Variants in MACROD2 observed in about 807,000 individuals in gnomAD.
MACROD2 encodes the protein mono-ADP ribosylhydrolase 2.
In MACROD2, 36 loss-of-function variants were observed where a neutral mutation model predicts 70.4. That is an observed-to-expected ratio of 0.51 (90% CI 0.39 to 0.68). The LOEUF (loss-of-function observed/expected upper bound fraction) is 0.68. Ranked by LOEUF, MACROD2 falls within the 30% of genes least tolerant of loss-of-function variation. The pLI, the probability that MACROD2 is intolerant of heterozygous loss-of-function variation, is 0.00. For missense variants in MACROD2, 496 were observed against 538.4 expected (o/e 0.92, Z 0.78); for synonymous variants, 172 against 178.8 (o/e 0.96, Z 0.30).
rs761254010 is a variant in MACROD2, at chr20:16,044,564, G to A, written c.1232-7G>A. ...ATATTTAACTTTTTTTTTTTTTCTG[G>A]TGACAGTTGAAATGAATAGTCAGGT... On this transcript the variant is annotated splice_polypyrimidine_tract_variant and splice_region_variant and intron_variant, in intron 16 of 17. Transcript: ENST00000684519. The A allele has an allele frequency of 9.4e-6, 15 of 1,591,150 alleles. No individual in the cohort carries two copies. In the South Asian group the frequency reaches 1.4e-4, roughly 15 times the overall value.
chr20:14,217,990 C>T (rs756763119), intron 3 of MACROD2, among the ~76,000 whole-genome samples: 11 of 152,126 alleles, frequency 7.2e-5, no homozygotes, highest in Non-Finnish European at 1.2e-4. Flanking sequence ...GTGTATTCTG[C>T]GGTTGTTGGA....
chr20:14,993,746 T>G (rs899669219), intron 5 of MACROD2, among the ~76,000 whole-genome samples: 9 of 152,206 alleles, frequency 5.9e-5, no homozygotes, highest in Non-Finnish European at 1.2e-4. Flanking sequence ...ACAGCTGAAG[T>G]GAAGGCTTAG....
In MACROD2 at chr20:15,072,589, G is replaced by A. The variant is rs949439931; in HGVS notation, c.419-157351G>A. Among the ~76,000 whole-genome samples the A allele has an allele frequency of 2.6e-5, 4 of 152,192 alleles. No individual in the cohort carries two copies. In the East Asian group the frequency reaches 7.7e-4, roughly 29 times the overall value. On this transcript the variant is annotated intron_variant, in intron 5 of 17. Coordinates refer to ENST00000684519, the MANE Select transcript of MACROD2 (RefSeq NM_001351661.2). ...TCCTCTAAGGCAGAATATTACTTAG[G>A]TTATTGTCCTATTATTTCTTTCCTT...
chr20:15,104,204 A>C (rs1433304242), intron 5 of MACROD2, among the ~76,000 whole-genome samples: 1 of 152,148 alleles, frequency 6.6e-6, no homozygotes, highest in Non-Finnish European at 1.5e-5. Context: ...CTGAAAGACT[A>C]ACCTAGACAG....
At chr20:15,315,863 A>T (rs911264002) in intron 6 of MACROD2, among the ~76,000 whole-genome samples, 2 of 152,172 alleles carry the variant, frequency 1.3e-5, no homozygotes, top group East Asian at 3.8e-4. Context: ...CACAAAAAGT[A>T]TAAATATATG....
intron 9 of MACROD2, among the ~76,000 whole-genome samples, chr20:15,872,383 C>A (rs1475984689): frequency 2.6e-5 from 4 of 152,216 alleles, no homozygotes; most frequent in East Asian, 3.9e-4. Context: ...AGAAAGGTAG[C>A]AATTGTCTAA....
intron 4 of MACROD2, among the ~76,000 whole-genome samples, chr20:14,619,799 G>A (rs982946565): frequency 2.6e-5 from 4 of 152,010 alleles, no homozygotes; most frequent in African/African-American, 4.8e-5. Flanking sequence ...GAATCTCAGC[G>A]CTTAAATCAA....
intron 8 of MACROD2, among the ~76,000 whole-genome samples, chr20:15,523,957 A>G (rs762276639): frequency 3.3e-5 from 5 of 152,008 alleles, no homozygotes; most frequent in Non-Finnish European, 1.5e-5. Flanking sequence ...TTTATTTTCC[A>G]GATCTAGGAA....
At chr20:15,833,637 A>C (rs2064081746) in intron 8 of MACROD2, among the ~76,000 whole-genome samples, 1 of 152,304 alleles carries the variant, frequency 6.6e-6, no homozygotes, top group African/African-American at 2.4e-5. Flanking sequence ...GAACATAGCA[A>C]AGAAAGATAT....
chr20:14,088,423 A>G (rs1281985097), intron 3 of MACROD2, among the ~76,000 whole-genome samples: 1 of 152,014 alleles, frequency 6.6e-6, no homozygotes, highest in Non-Finnish European at 1.5e-5. Flanking sequence ...ATATATTTAT[A>G]CTCACATATG....
At position 15,079,355 on chromosome 20, in the gene MACROD2, C is replaced by G. The variant is rs187924529; in HGVS notation, c.419-150585C>G. On this transcript the variant is annotated intron_variant, in intron 5 of 17. Coordinates refer to ENST00000684519, the MANE Select transcript of MACROD2 (RefSeq NM_001351661.2). Reference sequence around the variant, plus strand: ...AAGCCCCCCAGTTCCTTGACTTTCTCTCCTTCACTTCTCTTCTGGTCTACC... The same window carrying G: ...AAGCCCCCCAGTTCCTTGACTTTCTGTCCTTCACTTCTCTTCTGGTCTACC... Among the ~76,000 whole-genome samples, 12 of 152,102 alleles carry G rather than the reference C, an allele frequency of 7.9e-5. No individual in the cohort carries two copies. In the East Asian group the frequency reaches 2.1e-3, roughly 27 times the overall value.
At chr20:14,490,906 C>A (rs2084786275) in intron 3 of MACROD2, among the ~76,000 whole-genome samples, 1 of 152,230 alleles carries the variant, frequency 6.6e-6, no homozygotes, top group African/African-American at 2.4e-5. Flanking sequence ...TTGACTAAAC[C>A]TACCAATTAT....
intron 9 of MACROD2, among the ~76,000 whole-genome samples, chr20:15,869,240 G>T (rs386753): frequency 0.041 from 1,620 of 39,586 alleles, 13 homozygotes; most frequent in Middle Eastern, 0.094. Flanking sequence ...TATATATATA[G>T]AGAGAGAGAG....
intron 5 of MACROD2, among the ~76,000 whole-genome samples, chr20:14,787,894 A>G (rs2072394377): frequency 6.6e-6 from 1 of 152,122 alleles, no homozygotes; most frequent in African/African-American, 2.4e-5. Context: ...CAGGATTGGA[A>G]GCACTTGATT....
At chr20:15,447,220 G>A (rs1472121979) in intron 7 of MACROD2, among the ~76,000 whole-genome samples, 1 of 152,140 alleles carries the variant, frequency 6.6e-6, no homozygotes, top group Non-Finnish European at 1.5e-5. Context: ...AAGGAGACAA[G>A]CAACAAGAGA....
chr20:14,327,321 AGTTGTAGCATCC>A, intron 3 of MACROD2: 2 of 1,613,810 alleles, frequency 1.2e-6, no homozygotes, highest in Non-Finnish European at 1.7e-6. Context: ...GAAGGTAGAG[AGTTGTAGCATCC>A]TCTGGTATTC....
intron 5 of MACROD2, among the ~76,000 whole-genome samples, chr20:14,855,600 T>G (rs1013851139): frequency 1.8e-5 from 1 of 56,394 alleles, no homozygotes; most frequent in Non-Finnish European, 4.6e-5. Context: ...CTACCAAGTT[T>G]TTTTTTTTTT....
chr20:15,107,205 C>A (rs2075917532), intron 5 of MACROD2, among the ~76,000 whole-genome samples: 1 of 151,540 alleles, frequency 6.6e-6, no homozygotes. Context: ...CTAAACTTCT[C>A]CCTGCTTTAT....
At chr20:14,844,862 G>T (rs1039111559) in intron 5 of MACROD2, among the ~76,000 whole-genome samples, 6 of 152,024 alleles carry the variant, frequency 3.9e-5, no homozygotes, top group Admixed American at 1.3e-4. Context: ...TTTACATTCT[G>T]GCCCTGTCTG....
Sources: gnomAD v4.1 joint callset for allele counts (sites outside exome capture counted in the v4.1 genomes callset) on GRCh38, gnomAD v4.1.1 for gene constraint, MANE v1.5 for transcripts, NCBI Gene and HGNC (gene_info 2026-07-23, HGNC 2026-07-21) for gene names.